SGCZ: variants seen among roughly 807,000 people sequenced by gnomAD.
SGCZ encodes the protein sarcoglycan zeta.
In SGCZ, 40 loss-of-function variants were observed where a neutral mutation model predicts 41.3. That is an observed-to-expected ratio of 0.97 (90% CI 0.75 to 1.26). The LOEUF is 1.26. Among genes scored for constraint, SGCZ ranks in the 50% most tolerant of loss-of-function variants. SGCZ has a pLI of 0.00. For missense variants in SGCZ, 552 were observed against 369.8 expected, an observed-to-expected ratio of 1.49 and a Z score of -4.04; for synonymous variants, 206 against 137.5, an observed-to-expected ratio of 1.50 and a Z score of -3.49.
intron 2 of SGCZ, among the ~76,000 whole-genome samples, chr8:14,525,952 G>T (rs1276980630): frequency 6.6e-6 from 1 of 151,768 alleles, no homozygotes; most frequent in African/African-American, 2.4e-5. Flanking sequence ...GCCAAAGTTA[G>T]AGATAGTCTA....
At chr8:14,757,272 C>T (rs1163600506) in intron 1 of SGCZ, among the ~76,000 whole-genome samples, 1 of 152,204 alleles carries the variant, frequency 6.6e-6, no homozygotes, top group Non-Finnish European at 1.5e-5. Flanking sequence ...TGGACTCGAA[C>T]CCCTGACTTC....
chr8:14,505,855 C>G (rs2117062382), intron 2 of SGCZ, among the ~76,000 whole-genome samples: 1 of 152,260 alleles, frequency 6.6e-6, no homozygotes, highest in South Asian at 2.1e-4. Flanking sequence ...CTTAATAAAT[C>G]AGAAACACAG....
intron 1 of SGCZ, among the ~76,000 whole-genome samples, chr8:14,825,461 A>T (rs536090847): frequency 6.6e-6 from 1 of 152,194 alleles, no homozygotes; most frequent in African/African-American, 2.4e-5. Context: ...TAATTTGTGC[A>T]TTGTCAAGTT....
chr8:14,421,744 T>A (rs1799642888), intron 2 of SGCZ, among the ~76,000 whole-genome samples: 1 of 152,268 alleles, frequency 6.6e-6, no homozygotes, highest in African/African-American at 2.4e-5. Context: ...ATCTTGTCTA[T>A]CTTGTGTAAT....
chr8:14,826,902 G>T (rs1190874053), intron 1 of SGCZ, among the ~76,000 whole-genome samples: 1 of 152,032 alleles, frequency 6.6e-6, no homozygotes, highest in Non-Finnish European at 1.5e-5. Flanking sequence ...CACTCTGACG[G>T]TAGTTTCTTT....
At chr8:14,343,519 A>G (rs1307027443) in intron 2 of SGCZ, among the ~76,000 whole-genome samples, 4 of 152,198 alleles carry the variant, frequency 2.6e-5, no homozygotes, top group Admixed American at 2.0e-4. Flanking sequence ...TGCTGATTAG[A>G]GGCTAAGGAG....
At chr8:14,434,634 T>C (rs1490612538) in intron 2 of SGCZ, among the ~76,000 whole-genome samples, 2 of 152,210 alleles carry the variant, frequency 1.3e-5, no homozygotes, top group Non-Finnish European at 2.9e-5. Context: ...GTGTCATCTA[T>C]GATGTCTTTC....
chr8:14,411,022 C>A (rs112382836), intron 2 of SGCZ, among the ~76,000 whole-genome samples: 1 of 151,980 alleles, frequency 6.6e-6, no homozygotes, highest in Non-Finnish European at 1.5e-5. Context: ...CTCTTTGAAA[C>A]AATTACAATT....
At chr8:14,400,481 G>A (rs551113244) in intron 2 of SGCZ, among the ~76,000 whole-genome samples, 8 of 152,156 alleles carry the variant, frequency 5.3e-5, no homozygotes, top group Admixed American at 5.2e-4. Flanking sequence ...ATAGATGTTT[G>A]CATTTCTCTT....
intron 1 of SGCZ, among the ~76,000 whole-genome samples, chr8:14,618,404 G>A (rs909236070): frequency 3.9e-5 from 6 of 152,106 alleles, no homozygotes; most frequent in African/African-American, 1.4e-4. Context: ...GATATTTGAA[G>A]CAAAAACATT....
chr8:15,221,414 G>A (rs1420900569), intron 1 of SGCZ, among the ~76,000 whole-genome samples: 1 of 152,102 alleles, frequency 6.6e-6, no homozygotes, highest in African/African-American at 2.4e-5. Context: ...TCTCTGATCT[G>A]CCTCATTCTT....
At chr8:14,122,424 T>G (rs2117038202) in intron 5 of SGCZ, among the ~76,000 whole-genome samples, 1 of 152,234 alleles carries the variant, frequency 6.6e-6, no homozygotes, top group East Asian at 1.9e-4. Context: ...TTCAAGGAAT[T>G]TATCCCAAAG....
intron 1 of SGCZ, among the ~76,000 whole-genome samples, chr8:14,589,534 CTT>C (rs904391603): frequency 2.0e-5 from 3 of 152,046 alleles, no homozygotes; most frequent in African/African-American, 7.2e-5. Context: ...TTCAGGCAGT[CTT>C]TCAAAAATGA....
intron 6 of SGCZ, among the ~76,000 whole-genome samples, chr8:14,107,745 C>T (rs1330194428): frequency 6.6e-6 from 1 of 152,096 alleles, no homozygotes; most frequent in Non-Finnish European, 1.5e-5. Flanking sequence ...CTCAAGCAAT[C>T]CTCTGGTCTC....
chr8:14,634,390 A>C (rs181571584), intron 1 of SGCZ, among the ~76,000 whole-genome samples: 1 of 151,412 alleles, frequency 6.6e-6, no homozygotes. Flanking sequence ...TTTTTTGTGT[A>C]TTTTTTAAAC....
intron 2 of SGCZ, among the ~76,000 whole-genome samples, chr8:14,474,079 T>C (rs1801290091): frequency 6.6e-6 from 1 of 152,154 alleles, no homozygotes; most frequent in African/African-American, 2.4e-5. Flanking sequence ...AAGAAGTCTC[T>C]TGTCAACAGA....
At chr8:14,559,988 C>T (rs181005010) in intron 1 of SGCZ, among the ~76,000 whole-genome samples, 3 of 152,140 alleles carry the variant, frequency 2.0e-5, no homozygotes, top group Admixed American at 6.6e-5. Flanking sequence ...AAGGAATTGA[C>T]TTTGCCTGAG....
intron 1 of SGCZ, among the ~76,000 whole-genome samples, chr8:14,827,103 T>G (rs1341859388): frequency 6.6e-6 from 1 of 152,092 alleles, no homozygotes; most frequent in Non-Finnish European, 1.5e-5. Flanking sequence ...TAGACATATC[T>G]TTCTTAAGAA....
intron 1 of SGCZ, among the ~76,000 whole-genome samples, chr8:14,780,280 C>G (rs1800547829): frequency 6.7e-6 from 1 of 149,564 alleles, no homozygotes; most frequent in Admixed American, 6.8e-5. Flanking sequence ...GAGGCTGAGG[C>G]AGGAGAATAG....
Sources: gnomAD v4.1 joint callset for allele counts (sites outside exome capture counted in the v4.1 genomes callset) on GRCh38, gnomAD v4.1.1 for gene constraint, MANE v1.5 for transcripts, NCBI Gene and HGNC (gene_info 2026-07-23, HGNC 2026-07-21) for gene names.